Variants in ASIC2 observed in about 807,000 individuals in gnomAD.
The protein encoded by ASIC2 is acid sensing ion channel subunit 2.
Under a neutral mutation model 57.3 loss-of-function variants are expected in ASIC2, and 25 were observed. The observed-to-expected ratio is 0.44, with a 90% CI of 0.32 to 0.61. The LOEUF (loss-of-function observed/expected upper bound fraction) is 0.61, where lower values mean the gene tolerates loss of function less well. ASIC2 is among the 20% of genes least tolerant of loss of function. The pLI is 0.06. For synonymous variants in ASIC2, 319 were observed against 307.5 expected, an observed-to-expected ratio of 1.04 and a Z score of -0.39; for missense variants, 641 against 738.1, an observed-to-expected ratio of 0.87 and a Z score of 1.52.
chr17:33,903,598 G>GT (rs1342015402), intron 1 of ASIC2, among the ~76,000 whole-genome samples: 1 of 152,316 alleles, frequency 6.6e-6, no homozygotes, highest in African/African-American at 2.4e-5. Context: ...AACATGGAGG[G>GT]TTTTTTGTTT....
chr17:33,266,551 A>C (rs1252539269), intron 1 of ASIC2, among the ~76,000 whole-genome samples: 9 of 76,980 alleles, frequency 1.2e-4, no homozygotes, highest in African/African-American at 2.7e-4. Flanking sequence ...CCCACCCCCC[A>C]CCCCCAGTTG....
At chr17:33,624,774 T>C (rs983908119) in intron 1 of ASIC2, among the ~76,000 whole-genome samples, 2 of 152,228 alleles carry the variant, frequency 1.3e-5, no homozygotes, top group Non-Finnish European at 2.9e-5. Context: ...CAAATGAAGA[T>C]GGTTGCTTAT....
At chr17:33,616,263 TG>T (rs963231684) in intron 1 of ASIC2, among the ~76,000 whole-genome samples, 181 of 11,790 alleles carry the variant, frequency 0.015, 3 homozygotes, top group Non-Finnish European at 7.4e-3. Context: ...TGGGGGTGGG[TG>T]GGGGGGTGGG....
chr17:33,512,960 G>A, intron 1 of ASIC2, among the ~76,000 whole-genome samples: 1 of 152,228 alleles, frequency 6.6e-6, no homozygotes, highest in East Asian at 1.9e-4. Context: ...ACTTGGCCAA[G>A]GTGAACATGG....
chr17:33,682,229 T>A (rs1191743746), intron 1 of ASIC2, among the ~76,000 whole-genome samples: 7 of 150,688 alleles, frequency 4.6e-5, no homozygotes, highest in Non-Finnish European at 1.5e-5. Flanking sequence ...CTGGCTAATT[T>A]TTTTTTTTTT....
intron 1 of ASIC2, among the ~76,000 whole-genome samples, chr17:33,712,834 A>G (rs1909092667): frequency 6.7e-6 from 1 of 150,194 alleles, no homozygotes. Flanking sequence ...TTTAGTAGAG[A>G]CGGGGTTTCA....
At chr17:33,894,087 C>T (rs1029394722) in intron 1 of ASIC2, among the ~76,000 whole-genome samples, 1 of 152,146 alleles carries the variant, frequency 6.6e-6, no homozygotes, top group Non-Finnish European at 1.5e-5. Context: ...CAACTCTGTG[C>T]TACTTTTATT....
intron 1 of ASIC2, among the ~76,000 whole-genome samples, chr17:34,148,687 G>A (rs972450148): frequency 1.3e-5 from 2 of 152,124 alleles, no homozygotes; most frequent in Non-Finnish European, 2.9e-5. Flanking sequence ...GGGCCTGTCA[G>A]GATGTGTGAC....
At chr17:33,543,008 C>G (rs938326748) in intron 1 of ASIC2, among the ~76,000 whole-genome samples, 2 of 150,948 alleles carry the variant, frequency 1.3e-5, no homozygotes, top group Non-Finnish European at 2.9e-5. Flanking sequence ...AAATTGGAAA[C>G]CATCATTCTC....
intron 1 of ASIC2, among the ~76,000 whole-genome samples, chr17:33,331,728 G>T (rs1036999153): frequency 2.6e-5 from 4 of 152,132 alleles, no homozygotes; most frequent in Admixed American, 6.5e-5. Context: ...TAGTGTGCTA[G>T]GTATTTCTAC....
intron 1 of ASIC2, among the ~76,000 whole-genome samples, chr17:33,630,123 C>A (rs1906113677): frequency 1.3e-5 from 2 of 152,190 alleles, no homozygotes; most frequent in Non-Finnish European, 2.9e-5. Flanking sequence ...CAACTTGCAT[C>A]TGATCACTTT....
intron 1 of ASIC2, among the ~76,000 whole-genome samples, chr17:33,139,196 C>T (rs2092377922): frequency 6.6e-6 from 1 of 152,172 alleles, no homozygotes; most frequent in Admixed American, 6.5e-5. Flanking sequence ...CTCTCCCTGA[C>T]CTTGGGACTG....
intron 1 of ASIC2, among the ~76,000 whole-genome samples, chr17:33,653,155 AT>A (rs1460854667): frequency 6.6e-6 from 1 of 152,220 alleles, no homozygotes; most frequent in Non-Finnish European, 1.5e-5. Context: ...CATTGTCGTG[AT>A]TTCCAGGGTA....
chr17:34,152,627 A>C (rs1904569690), intron 1 of ASIC2, among the ~76,000 whole-genome samples: 1 of 152,228 alleles, frequency 6.6e-6, no homozygotes, highest in Non-Finnish European at 1.5e-5. Flanking sequence ...TAGCTGGCAC[A>C]GTGTACACAT....
intron 1 of ASIC2, among the ~76,000 whole-genome samples, chr17:33,144,229 A>G (rs1446211354): frequency 1.3e-5 from 2 of 152,166 alleles, no homozygotes; most frequent in Non-Finnish European, 2.9e-5. Context: ...CTTTTTGGGA[A>G]CATGGAATGT....
intron 1 of ASIC2, among the ~76,000 whole-genome samples, chr17:33,395,577 C>T (rs1910046844): frequency 6.6e-6 from 1 of 152,186 alleles, no homozygotes. Flanking sequence ...AGGGCCAAAC[C>T]CTATCACCAT....
chr17:33,672,331 C>A (rs1208134120), intron 1 of ASIC2, among the ~76,000 whole-genome samples: 1 of 152,052 alleles, frequency 6.6e-6, no homozygotes, highest in Admixed American at 6.6e-5. Flanking sequence ...TTACCCACCC[C>A]CTCCCATACC....
chr17:33,883,245 A>T (rs1345887255), intron 1 of ASIC2, among the ~76,000 whole-genome samples: 1 of 152,158 alleles, frequency 6.6e-6, no homozygotes, highest in Non-Finnish European at 1.5e-5. Flanking sequence ...AAAGTATAAT[A>T]ATAATATTAA....
At chr17:33,279,590 A>T (rs149657491) in intron 1 of ASIC2, among the ~76,000 whole-genome samples, 1 of 152,282 alleles carries the variant, frequency 6.6e-6, no homozygotes, top group Non-Finnish European at 1.5e-5. Context: ...AGGGGTCAAC[A>T]TAAATTAAAA....
Sources: allele counts gnomAD v4.1 joint callset (sites outside exome capture counted in the v4.1 genomes callset), GRCh38; gene constraint gnomAD v4.1.1; transcripts MANE v1.5; gene names NCBI Gene and HGNC (gene_info 2026-07-23, HGNC 2026-07-21).